Variants in LPA observed in about 807,000 individuals in gnomAD.
LPA encodes the protein apolipoprotein(a).
Under a neutral mutation model 197.9 loss-of-function variants are expected in LPA, and 199 were observed. That is an observed-to-expected ratio of 1.01 (90% CI 0.90 to 1.13). The LOEUF (loss-of-function observed/expected upper bound fraction) is 1.13, where lower values mean the gene tolerates loss of function less well. Among genes scored for constraint, LPA ranks in the 50% most tolerant of loss-of-function variants. The probability of loss-of-function intolerance (pLI) is 0.00; values close to 1 mark genes in which losing one functional copy is unlikely to be tolerated. For synonymous variants in LPA, 715 were observed against 639.5 expected (o/e 1.12, Z -1.78); for missense variants, 1,853 against 1,785.8 (o/e 1.04, Z -0.68).
At chr6:160,592,233 A>C (rs1295366359) in intron 22 of LPA, among the ~76,000 whole-genome samples, 2 of 145,874 alleles carry the variant, frequency 1.4e-5, no homozygotes, top group African/African-American at 4.9e-5. Flanking sequence ...GTGTATGTGT[A>C]TTTGTGTCTG....
At chr6:160,555,942 A>C in intron 30 of LPA, 83 bp downstream of exon 30, 1 of 1,200,060 alleles carries the variant, frequency 8.3e-7, no homozygotes, top group Non-Finnish European at 1.2e-6. Context: ...AATTTGTCCT[A>C]ACAAGTTAGC....
chr6:160,556,265 A>T, intron 29 of LPA, 81 bp from the exon 30 acceptor site: 4 of 1,358,420 alleles, frequency 2.9e-6, no homozygotes. Context: ...ACAGGACAGT[A>T]GTTTCAGAAT....
chr6:160,611,419 C>A (rs1004888386), intron 16 of LPA, 143 bp downstream of exon 16: 8 of 1,491,396 alleles, frequency 5.4e-6, no homozygotes, highest in Middle Eastern at 2.4e-4. Context: ...CCCTTAGCTC[C>A]AAGGAAATCA....
intron 16 of LPA, 148 bp downstream of exon 16, chr6:160,611,414 A>C: frequency 6.8e-7 from 1 of 1,477,684 alleles, no homozygotes; most frequent in Non-Finnish European, 9.3e-7. Context: ...TCAGACCCTT[A>C]GCTCCAAGGA....
intron 2 of LPA, among the ~76,000 whole-genome samples, chr6:160,649,705 T>C (rs1562352631): frequency 1.3e-5 from 2 of 152,230 alleles, no homozygotes; most frequent in South Asian, 4.1e-4. Flanking sequence ...TAGTCACTTA[T>C]GTGTGAAAGA....
chr6:160,585,400 T>G (rs1358510876), intron 25 of LPA, among the ~76,000 whole-genome samples, 195 bp from the exon 26 acceptor site: 1 of 152,164 alleles, frequency 6.6e-6, no homozygotes, highest in Non-Finnish European at 1.5e-5. Flanking sequence ...GTCATAAATA[T>G]TTTAATTCAA....
chr6:160,606,508 C>A lies in LPA; in HGVS notation c.2754G>T (p.Pro918=). The A allele has an allele frequency of 1.2e-6, 2 of 1,613,530 alleles. No homozygotes were observed. The highest frequency in any genetic ancestry group is 1.7e-6 in the Non-Finnish European group (2 of 1,179,888). The stretch of plus-strand genomic sequence containing the variant: ...CAGAAGGAGCCTCTAGGCTTGGAAT[C>A]GGGGTAATAGTTGGAGGCGCGACGG... ...GTAVAPPTIT[P]IPSLEAPSEQ... Residue 918 remains proline, a synonymous_variant, in exon 17 of 39, where the codon CCG becomes CCT. Coordinates refer to ENST00000316300, the MANE Select transcript of LPA (RefSeq NM_005577.4).
intron 16 of LPA, among the ~76,000 whole-genome samples, 185 bp downstream of exon 16, chr6:160,611,377 G>C (rs1329730350): frequency 2.0e-5 from 3 of 152,058 alleles, no homozygotes; most frequent in African/African-American, 4.8e-5. Flanking sequence ...TAGGAGGAAG[G>C]TGAGGCAGCT....
chr6:160,611,213 G>A (rs949123605), intron 16 of LPA, among the ~76,000 whole-genome samples: 2 of 152,132 alleles, frequency 1.3e-5, no homozygotes, highest in Admixed American at 6.5e-5. Context: ...TTCAGGAATT[G>A]GAAGTCAGAA....
chr6:160,648,002 T>C (rs1436582051), intron 2 of LPA, among the ~76,000 whole-genome samples: 1 of 152,238 alleles, frequency 6.6e-6, no homozygotes, highest in Non-Finnish European at 1.5e-5. Context: ...TACATAAGCC[T>C]GCTGATTCCA....
chr6:160,588,144 T>C (rs1232167193), intron 24 of LPA, among the ~76,000 whole-genome samples: 1 of 152,166 alleles, frequency 6.6e-6, no homozygotes, highest in African/African-American at 2.4e-5. Context: ...CAGTTATGTA[T>C]CACAGTGAAA....
At chr6:160,553,843 T>C (rs1359393699) in intron 30 of LPA, among the ~76,000 whole-genome samples, 4 of 152,188 alleles carry the variant, frequency 2.6e-5, no homozygotes, top group Non-Finnish European at 4.4e-5. Flanking sequence ...GCTTTACCCA[T>C]ATATTAAATC....
At position 160,545,597 on chromosome 6, in the gene LPA, A is replaced by G. The variant is rs1778056368; in HGVS notation, c.5305-64T>C. On this transcript the variant is annotated intron_variant, in intron 32 of 38. Transcript: ENST00000316300. ...AGCAGGAGAGGGAGAAGATATTCTA[A>G]GGCACACACATTTCACATCTATTCT... The G allele has an allele frequency of 1.8e-5, 16 of 913,490 alleles. No homozygotes were observed. The South Asian group carries it at 2.1e-4, about 12-fold the overall frequency. 56.6% of individuals were successfully genotyped at this position (913,490 alleles called of 1,614,324 possible).
chr6:160,540,043 C>A lies in LPA; in HGVS notation c.5735G>T (p.Arg1912Met), dbSNP rs754721328. The A allele has an allele frequency of 1.2e-6, 2 of 1,614,090 alleles. No individual in the cohort carries two copies. The highest frequency in any genetic ancestry group is 4.5e-5 in the East Asian group (2 of 44,858). The change falls in exon 36 of 39, where the codon AGG becomes ATG. Residue 1912 changes from arginine (R) to methionine (M), a missense_variant and splice_region_variant. Arg to Met is a moderately conservative substitution (Grantham distance 91, BLOSUM62 -1). This residue lies in a region of LPA where 1,737 missense variants were observed against 1,504.4 expected (regional missense o/e 1.15). Transcript: ENST00000316300. ...QADIALLKLS[R>M]PAVITDKVMP... ...GTGAAGACCACAGGTGAGCGAGTAC[C>A]TGCTTAGCTTTAGCAAGGCAATATC...
At chr6:160,542,089 A>G (rs1186751544) in intron 34 of LPA, among the ~76,000 whole-genome samples, 1 of 152,214 alleles carries the variant, frequency 6.6e-6, no homozygotes, top group Non-Finnish European at 1.5e-5. Flanking sequence ...GAGACACCCA[A>G]GCAAACTGAA....
At chr6:160,566,350 GA>G (rs1449387467) in intron 28 of LPA, among the ~76,000 whole-genome samples, 6 of 152,172 alleles carry the variant, frequency 3.9e-5, no homozygotes, top group Non-Finnish European at 8.8e-5. Flanking sequence ...CATTCTTAAA[GA>G]AAAGAATTTT....
At chr6:160,555,436 C>CATATATATATATATATATATATATATAT (rs770158265) in intron 30 of LPA, among the ~76,000 whole-genome samples, 4 of 122,000 alleles carry the variant, frequency 3.3e-5, no homozygotes, top group East Asian at 2.2e-4. Context: ...TTCCCTAGAA[C>CATATATATATATATATATATATATATAT]ATATATATAT....
chr6:160,564,084 T>C (rs1778408641), intron 28 of LPA, among the ~76,000 whole-genome samples: 2 of 152,238 alleles, frequency 1.3e-5, no homozygotes, highest in Non-Finnish European at 2.9e-5. Context: ...AATATTGTTA[T>C]GTGTGAATTT....
chr6:160,659,857 T>G (rs1428875673), intron 1 of LPA, among the ~76,000 whole-genome samples: 1 of 152,306 alleles, frequency 6.6e-6, no homozygotes, highest in East Asian at 1.9e-4. Context: ...CGCTCCCTCC[T>G]GAGCCCATAC....
Sources: allele counts gnomAD v4.1 joint callset (sites outside exome capture counted in the v4.1 genomes callset), GRCh38; gene constraint gnomAD v4.1.1; regional missense constraint gnomAD v4.1.1; transcripts MANE v1.5; gene names NCBI Gene and HGNC (gene_info 2026-07-23, HGNC 2026-07-21).